Variants in ATOSA observed in about 807,000 individuals in gnomAD.
ATOSA encodes atos homolog protein A.
At chr15:52,643,290 T>C in the ATOSA span, among the ~76,000 whole-genome samples, 1 of 152,132 alleles carries the variant, frequency 6.6e-6, no homozygotes, top group Admixed American at 6.6e-5. Flanking sequence ...CAAAAAACAC[T>C]TGAACTTTTT....
At chr15:52,604,337 A>G in the ATOSA span, among the ~76,000 whole-genome samples, 2 of 152,266 alleles carry the variant, frequency 1.3e-5, no homozygotes, top group Admixed American at 6.5e-5. Flanking sequence ...TAGAAGACTG[A>G]GCTCCAAGTT....
At chr15:52,649,262 T>A in the ATOSA span, among the ~76,000 whole-genome samples, 2 of 152,266 alleles carry the variant, frequency 1.3e-5, no homozygotes, top group East Asian at 3.9e-4. Flanking sequence ...GTAATGAAAT[T>A]TCCGCAAGGA....
the ATOSA span, chr15:52,611,536 T>A: frequency 1.3e-6 from 2 of 1,590,916 alleles, no homozygotes; most frequent in East Asian, 4.5e-5. Flanking sequence ...GAAAACTTGA[T>A]TTACCAAGAA....
the ATOSA span, chr15:52,648,578 T>A: frequency 6.6e-6 from 1 of 152,124 alleles, no homozygotes. Context: ...TAACTGTATG[T>A]TTGTACCCAC....
chr15:52,689,081 G>C, the ATOSA span, among the ~76,000 whole-genome samples: 1 of 151,528 alleles, frequency 6.6e-6, no homozygotes, highest in Non-Finnish European at 1.5e-5. Context: ...CACATATTTT[G>C]GGAATTCAAC....
chr15:52,662,632 C>T, the ATOSA span, among the ~76,000 whole-genome samples: 21 of 150,412 alleles, frequency 1.4e-4, no homozygotes, highest in Non-Finnish European at 1.9e-4. Flanking sequence ...TAGCAGGGCA[C>T]GGTGGCGGGT....
the ATOSA span, among the ~76,000 whole-genome samples, chr15:52,664,356 C>G: frequency 6.6e-6 from 1 of 152,194 alleles, no homozygotes. Context: ...GCCCTGTATC[C>G]TCAGCGTGAC....
the ATOSA span, among the ~76,000 whole-genome samples, chr15:52,700,575 C>A: frequency 6.6e-6 from 1 of 152,156 alleles, no homozygotes; most frequent in African/African-American, 2.4e-5. Context: ...GCTTTTTATA[C>A]CTAGAAGCAA....
At chr15:52,653,542 T>C in the ATOSA span, among the ~76,000 whole-genome samples, 1 of 152,132 alleles carries the variant, frequency 6.6e-6, no homozygotes, top group Non-Finnish European at 1.5e-5. Flanking sequence ...AGAGAAAGAA[T>C]GGCATGGTAG....
At chr15:52,610,491 T>A in the ATOSA span, 1 of 1,215,410 alleles carries the variant, frequency 8.2e-7, no homozygotes, top group South Asian at 1.7e-5. Context: ...TTTGTTTGCG[T>A]TAATTACCAC....
At chr15:52,628,305 A>C in the ATOSA span, among the ~76,000 whole-genome samples, 1 of 152,194 alleles carries the variant, frequency 6.6e-6, no homozygotes, top group Non-Finnish European at 1.5e-5. Context: ...AACAAATCTA[A>C]GTAATGTTAG....
At chr15:52,652,314 C>T in the ATOSA span, among the ~76,000 whole-genome samples, 2 of 152,084 alleles carry the variant, frequency 1.3e-5, no homozygotes, top group Admixed American at 6.6e-5. Context: ...CAGAGAAATT[C>T]GTAAGACAAA....
At chr15:52,627,353 CCT>C in the ATOSA span, among the ~76,000 whole-genome samples, 3 of 152,104 alleles carry the variant, frequency 2.0e-5, no homozygotes, top group East Asian at 1.9e-4. Flanking sequence ...ATTATAATGC[CCT>C]GTTTGCCTCT....
At chr15:52,611,435 A>ATC in the ATOSA span, 1 of 1,163,722 alleles carries the variant, frequency 8.6e-7, no homozygotes, top group Non-Finnish European at 1.2e-6. Context: ...ATATTTACTC[A>ATC]TTTTAGTGCC....
chr15:52,586,478 C>T, the ATOSA span: 4 of 152,264 alleles, frequency 2.6e-5, no homozygotes, highest in African/African-American at 9.6e-5. Flanking sequence ...GACTCTCTTT[C>T]AGTCTGCAAA....
At chr15:52,667,506 G>C in the ATOSA span, among the ~76,000 whole-genome samples, 1 of 152,222 alleles carries the variant, frequency 6.6e-6, no homozygotes, top group Non-Finnish European at 1.5e-5. Flanking sequence ...CAGGTATACA[G>C]AAGAATACTT....
chr15:52,636,098 ATAT>A, the ATOSA span, among the ~76,000 whole-genome samples: 1 of 138,044 alleles, frequency 7.2e-6, no homozygotes, highest in Non-Finnish European at 1.5e-5. Context: ...ATAAAATTAA[ATAT>A]TAAATTAAAA....
At chr15:52,702,810 A>T in the ATOSA span, among the ~76,000 whole-genome samples, 3 of 151,978 alleles carry the variant, frequency 2.0e-5, no homozygotes, top group African/African-American at 7.2e-5. Flanking sequence ...AAAATGGGCA[A>T]AATACGTGAA....
the ATOSA span, among the ~76,000 whole-genome samples, chr15:52,653,075 T>TATA: frequency 3.9e-5 from 6 of 152,352 alleles, no homozygotes; most frequent in Admixed American, 2.6e-4. Flanking sequence ...GCATTCTTCC[T>TATA]ATAAAATGCA....
Sources: allele counts gnomAD v4.1 joint callset (sites outside exome capture counted in the v4.1 genomes callset), GRCh38; gene constraint gnomAD v4.1.1; transcripts MANE v1.5; gene names NCBI Gene and HGNC (gene_info 2026-07-23, HGNC 2026-07-21).